RABL6: variants seen among roughly 807,000 people sequenced by gnomAD.
The protein encoded by RABL6 is rab-like protein 6.
Under a neutral mutation model 72.9 loss-of-function variants are expected in RABL6, and 28 were observed. That is an observed-to-expected ratio of 0.38 (90% CI 0.28 to 0.53). The LOEUF is 0.53. RABL6 is among the 20% of genes least tolerant of loss of function. The probability of loss-of-function intolerance (pLI) is 0.80; values close to 1 mark genes in which losing one functional copy is unlikely to be tolerated. For missense variants in RABL6, 1,029 were observed against 1,008.4 expected, an observed-to-expected ratio of 1.02 and a Z score of -0.28; for synonymous variants, 477 against 421.2, an observed-to-expected ratio of 1.13 and a Z score of -1.62.
chr9:136,818,151 C>G (rs1335614439), intron 1 of RABL6, among the ~76,000 whole-genome samples: 1 of 149,598 alleles, frequency 6.7e-6, no homozygotes, highest in Non-Finnish European at 1.5e-5. Flanking sequence ...ATCACGAGGT[C>G]AGGAGATCAA....
chr9:136,838,814 G>T, intron 10 of RABL6, 95 bp from the exon 11 acceptor site: 1 of 1,155,452 alleles, frequency 8.7e-7, no homozygotes, highest in South Asian at 1.6e-5. Context: ...CGGCCAGGGT[G>T]TGCTGGGTAC....
chr9:136,808,510 C>T, intron 1 of RABL6, 184 bp downstream of exon 1: 1 of 521,172 alleles, frequency 1.9e-6, no homozygotes, highest in Non-Finnish European at 2.8e-6. Context: ...CAGGCCAGGG[C>T]CGGGTCCTCG....
intron 1 of RABL6, among the ~76,000 whole-genome samples, chr9:136,811,104 T>G (rs967826836): frequency 6.6e-6 from 1 of 152,218 alleles, no homozygotes; most frequent in Admixed American, 6.5e-5. Flanking sequence ...GTCAAATATT[T>G]GAAGAGATTT....
In RABL6 at chr9:136,823,513, TC is replaced by T. The variant is rs1433588644; in HGVS notation, c.131-9del. The T allele has an allele frequency of 6.2e-7, 1 of 1,613,184 alleles. No individual in the cohort carries two copies. Among genetic ancestry groups the T allele is most frequent in the Non-Finnish European group, 8.5e-7 (1 of 1,179,646 alleles). ...TTTAATTTGCCTTTTCTTTTTCTCT[TC>T]CCGTCCCCAGTGAAGATAGTGATCC... On this transcript the variant is annotated splice_polypyrimidine_tract_variant and intron_variant, in intron 1 of 14. Transcript: ENST00000311502.
chr9:136,839,703 C>G lies in RABL6; in HGVS notation c.1768C>G (p.Pro590Ala). The G allele has an allele frequency of 6.3e-7, 1 of 1,584,540 alleles. No homozygotes were observed. Among genetic ancestry groups the G allele is most frequent in the Non-Finnish European group, 8.6e-7 (1 of 1,162,036 alleles). The change falls in exon 13 of 15, where the codon CCC (proline) becomes GCC (alanine). Residue 590 changes from proline to alanine, a missense_variant. Pro to Ala is a conservative substitution (Grantham distance 27, BLOSUM62 -1). This residue lies in a region of RABL6 where 595 missense variants were observed against 472.4 expected (regional missense o/e 1.26). Coordinates refer to ENST00000311502, the MANE Select transcript of RABL6 (RefSeq NM_024718.5). ...SDTQRRADDF[P>A]VRDDPSDVTD... ...GCTCTCCCTGCTCCAGGATGACTTT[C>G]CCGTGCGAGATGACCCCTCCGATGT...
In RABL6 at chr9:136,837,646, AGCCCCTCCACCTCCAGGTAG is replaced by A; in HGVS notation, c.1115_1126+8del. On this transcript the variant is annotated splice_donor_variant and splice_donor_region_variant and coding_sequence_variant and intron_variant, in exon 9 of 15. Coordinates refer to ENST00000311502, the MANE Select transcript of RABL6 (RefSeq NM_024718.5). LOFTEE classifies it high-confidence loss of function. Reference sequence around the variant, plus strand: ...TTGGGACGTCACCTGCCACCGAGGCAGCCCCTCCACCTCCAGGTAGGCCCTGGAGCTGCCCCTCCCAAACT... The same window carrying A: ...TTGGGACGTCACCTGCCACCGAGGCAGCCCTGGAGCTGCCCCTCCCAAACT... 1.3e-6 allele frequency: 2 copies of A among 1,592,192 alleles called. No homozygotes were observed. The highest frequency in any genetic ancestry group is 1.7e-6 in the Non-Finnish European group (2 of 1,171,008).
In RABL6 at chr9:136,840,510, C is replaced by T. The variant is rs373125506; in HGVS notation, c.2178C>T (p.Tyr726=). 2.6e-4 allele frequency: 397 copies of T among 1,513,218 alleles called. No homozygotes were observed. In the East Asian group the frequency reaches 6.0e-3, roughly 23 times the overall value. 93.7% of individuals were successfully genotyped at this position (1,513,218 alleles called of 1,614,324 possible). A position where few individuals can be genotyped will look rare whatever the true frequency, so the allele number is the denominator to read the frequency against. The change falls in exon 15 of 15, where the codon TAC becomes TAT. Residue 726 remains tyrosine, a synonymous_variant. Coordinates refer to ENST00000311502, the MANE Select transcript of RABL6 (RefSeq NM_024718.5). ...GCCGCCACCCTGGGGGTGGCGACTA[C>T]GAGGAGCTCTAGGCCGGCGTGGGCA... ...PGGRHPGGGD[Y]EEL
At chr9:136,810,988 G>A (rs1847999547) in intron 1 of RABL6, among the ~76,000 whole-genome samples, 2 of 152,216 alleles carry the variant, frequency 1.3e-5, no homozygotes, top group African/African-American at 4.8e-5. Context: ...CCCTGCATTT[G>A]CTCGGAGTTG....
intron 1 of RABL6, among the ~76,000 whole-genome samples, chr9:136,810,690 G>A (rs763989686): frequency 1.3e-5 from 2 of 151,972 alleles, no homozygotes; most frequent in Non-Finnish European, 1.5e-5. Context: ...TATAGGCACC[G>A]GCCACCACGC....
At chr9:136,835,563 G>A in intron 7 of RABL6, 179 bp from the exon 8 acceptor site, 3 of 587,266 alleles carry the variant, frequency 5.1e-6, no homozygotes, top group Non-Finnish European at 9.0e-6. Context: ...GAATCCTCTG[G>A]GCTTCTGTGG....
chr9:136,831,924 G>C (rs1848485684), intron 6 of RABL6, 63 bp downstream of exon 6: 1 of 1,534,896 alleles, frequency 6.5e-7, no homozygotes, highest in South Asian at 1.2e-5. Context: ...GGGGGAGGGT[G>C]CTGAGGCAGA....
At chr9:136,828,642 C>G in intron 4 of RABL6, 96 bp downstream of exon 4, 1 of 1,352,582 alleles carries the variant, frequency 7.4e-7, no homozygotes, top group Non-Finnish European at 1.0e-6. Context: ...CCCAACCACC[C>G]CAGTTATGCT....
In RABL6 at chr9:136,833,936, C is replaced by G. The variant is rs958853678; in HGVS notation, c.705+1566C>G. ...TGATTACTCCTTAGAGAGCTCCCCA[C>G]TGCTCAGCTGCTCCATTCCCTAATG... On this transcript the variant is annotated intron_variant, in intron 7 of 14. Transcript: ENST00000311502. The G allele has an allele frequency of 1.4e-5, 21 of 1,548,114 alleles. No homozygotes were observed. In the African/African-American group the frequency reaches 1.9e-4, roughly 14 times the overall value.
intron 13 of RABL6, 132 bp downstream of exon 13, chr9:136,839,997 C>T: frequency 6.8e-7 from 1 of 1,463,292 alleles, no homozygotes; most frequent in Non-Finnish European, 9.4e-7. Flanking sequence ...TGGCAGCCCC[C>T]TGCAGGAGCT....
chr9:136,820,530 C>A (rs1848214956), intron 1 of RABL6, among the ~76,000 whole-genome samples: 2 of 152,092 alleles, frequency 1.3e-5, no homozygotes, highest in African/African-American at 2.4e-5. Context: ...CACCACCACA[C>A]CCGGCTAATT....
chr9:136,825,921 C>T, intron 3 of RABL6, 95 bp downstream of exon 3: 1 of 1,424,918 alleles, frequency 7.0e-7, no homozygotes. Flanking sequence ...ATGCATCACC[C>T]ACCATCCTCG....
At chr9:136,822,137 G>A in intron 1 of RABL6, 1 of 1,236,412 alleles carries the variant, frequency 8.1e-7, no homozygotes, top group Non-Finnish European at 1.0e-6. Context: ...GTCCCTCAGA[G>A]CTTCGAGGCC....
At chr9:136,808,527 C>G in intron 1 of RABL6, 11 of 389,342 alleles carry the variant, frequency 2.8e-5, no homozygotes, top group Non-Finnish European at 4.5e-5. Flanking sequence ...CTCGCGGCCC[C>G]CGAGCCGCGG....
chr9:136,819,282 A>G lies in RABL6; in HGVS notation c.131-4243A>G, dbSNP rs529558067. ...GCTTGCAGTGAGCCGAGATGGTGCC[A>G]CTGCACTCCAGCCTGGGCAGCAGAA... On this transcript the variant is annotated intron_variant, in intron 1 of 14. Transcript: ENST00000311502. Among the ~76,000 whole-genome samples, 143 of 149,538 alleles carry G rather than the reference A, an allele frequency of 9.6e-4. 3 individuals are homozygous for G. The South Asian group carries it at 0.021, about 22-fold the overall frequency.
Sources: allele counts gnomAD v4.1 joint callset (sites outside exome capture counted in the v4.1 genomes callset), GRCh38; gene constraint gnomAD v4.1.1; regional missense constraint gnomAD v4.1.1; transcripts MANE v1.5; gene names NCBI Gene and HGNC (gene_info 2026-07-23, HGNC 2026-07-21).